PEX16: variants seen among roughly 807,000 people sequenced by gnomAD.
PEX16 encodes peroxisomal biogenesis factor 16, also known as peroxin 16.
In PEX16, 37 loss-of-function variants were observed where a neutral mutation model predicts 50.5. That is an observed-to-expected ratio of 0.73 (90% CI 0.56 to 0.96). The LOEUF (loss-of-function observed/expected upper bound fraction) is 0.96. PEX16 is among the 40% of genes least tolerant of loss of function. PEX16 has a pLI of 0.00. For missense variants in PEX16, 401 were observed against 438.3 expected (o/e 0.91, Z 0.76); for synonymous variants, 185 against 190.3 (o/e 0.97, Z 0.23).
chr11:45,911,229 G>A (rs1331724766), intron 9 of PEX16, among the ~76,000 whole-genome samples: 3 of 152,104 alleles, frequency 2.0e-5, no homozygotes, highest in Non-Finnish European at 4.4e-5. Flanking sequence ...CCCTTCCACC[G>A]ACATCCAACA....
chr11:45,918,005 G>A (rs547633051), upstream of PEX16: 21 of 650,074 alleles, frequency 3.2e-5, no homozygotes, highest in Non-Finnish European at 4.8e-5. Flanking sequence ...TTCCCACTCG[G>A]GTAGCCCTTA....
chr11:45,910,888 C>T lies in PEX16; in HGVS notation c.952+10G>A, dbSNP rs989867106. 1.9e-6 allele frequency: 3 copies of T among 1,612,886 alleles called. No individual in the cohort carries two copies. Among genetic ancestry groups the T allele is most frequent in the Admixed American group, 1.7e-5 (1 of 60,024 alleles). On this transcript the variant is annotated intron_variant, in intron 10 of 10. Transcript: ENST00000378750. Reference sequence around the variant, plus strand: ...AGCACTACAGTCATCGCGTCCCCATCCCTGCTTACTTGTGACCAGGCCAAC... The same window carrying T: ...AGCACTACAGTCATCGCGTCCCCATTCCTGCTTACTTGTGACCAGGCCAAC...
At chr11:45,917,659 G>A (rs1428373998) in intron 1 of PEX16, 41 bp downstream of exon 1, 2 of 1,510,450 alleles carry the variant, frequency 1.3e-6, no homozygotes, top group Non-Finnish European at 1.8e-6. Context: ...GGGGTCATAG[G>A]TCAGGGCCCA....
At chr11:45,917,906 C>T (rs1590798315), upstream of PEX16, 3 of 918,896 alleles carry the variant, frequency 3.3e-6, no homozygotes, top group Non-Finnish European at 5.1e-6. Context: ...GGTCTTAGGC[C>T]CGCCTCTTGG....
At chr11:45,918,020 C>A, upstream of PEX16, 1 of 630,724 alleles carries the variant, frequency 1.6e-6, no homozygotes, top group South Asian at 1.7e-5. Context: ...CCCTTAGCAA[C>A]TGAGGGCCCA....
intron 2 of PEX16, among the ~76,000 whole-genome samples, chr11:45,916,509 T>A (rs1017289518): frequency 5.9e-5 from 9 of 152,176 alleles, no homozygotes; most frequent in Non-Finnish European, 8.8e-5. Context: ...CAAGAAAGGA[T>A]GGGTCAATCT....
chr11:45,912,221 A>G (rs2086786378), intron 9 of PEX16, among the ~76,000 whole-genome samples: 1 of 151,580 alleles, frequency 6.6e-6, no homozygotes. Flanking sequence ...GGGTCAGGCC[A>G]GGCGCGGTGG....
intron 3 of PEX16, 48 bp downstream of exon 3, chr11:45,916,179 A>T: frequency 7.2e-7 from 1 of 1,382,842 alleles, no homozygotes; most frequent in Non-Finnish European, 1.0e-6. Context: ...CTACTATTTC[A>T]TTCCTGAGTC....
At chr11:45,912,195 G>C (rs72902480) in intron 9 of PEX16, among the ~76,000 whole-genome samples, 25,040 of 151,526 alleles carry the variant, frequency 0.17, 2,422 homozygotes, top group South Asian at 0.21. Flanking sequence ...TCTTTTTTCT[G>C]TTTTAAAAAA....
At position 45,917,862 on chromosome 11, in the gene PEX16, G is replaced by T; in HGVS notation, c.-51C>A. ...CAGAAGGACCGTACGACAGGCTGCGGCGCCCTGCTTCCTGCGCCCTCCTTC... is the reference window on the plus strand; with the variant it reads ...CAGAAGGACCGTACGACAGGCTGCGTCGCCCTGCTTCCTGCGCCCTCCTTC... On this transcript the variant is annotated 5_prime_UTR_variant, in exon 1 of 11. Coordinates refer to ENST00000378750, the MANE Select transcript of PEX16 (RefSeq NM_004813.4). 1 of 1,329,658 alleles carries T rather than the reference G, an allele frequency of 7.5e-7. No individual in the cohort carries two copies. The highest frequency in any genetic ancestry group is 1.0e-6 in the Non-Finnish European group (1 of 959,434). The allele number at this position is 1,329,658 out of a possible 1,614,324, so 82.4% of individuals were successfully genotyped here.
rs749785179 is a variant in PEX16, at chr11:45,910,928, C to G, written c.922G>C (p.Asp308His). The G allele has an allele frequency of 2.0e-5, 32 of 1,613,426 alleles. No homozygotes were observed. Among genetic ancestry groups the G allele is most frequent in the Non-Finnish European group, 2.6e-5 (31 of 1,180,004 alleles). Residue 308 changes from aspartate to histidine, a missense_variant, in exon 10 of 11, where the codon GAC becomes CAC. Asp to His is a moderately conservative substitution (Grantham distance 81). Transcript: ENST00000378750. ...ACCAGGCCAACGCCAGGGACGTGGT[C>G]GGCCAGCAACTGGAGCAGGAAGAGG... ...RILFLLQLLA[D>H]HVPGVGLVTR... is the part of the protein sequence containing the mutation.
rs562771676 is a variant in PEX16 at position 45,917,855 on chromosome 11, G to A, written c.-44C>T. The A allele has an allele frequency of 9.4e-6, 13 of 1,386,424 alleles. No homozygotes were observed. Among genetic ancestry groups the A allele is most frequent in the Middle Eastern group, 2.2e-4 (1 of 4,560 alleles). 85.9% of individuals were successfully genotyped at this position (1,386,424 alleles called of 1,614,324 possible). Reference sequence around the variant, plus strand: ...AGACCCACAGAAGGACCGTACGACAGGCTGCGGCGCCCTGCTTCCTGCGCC... The same window carrying A: ...AGACCCACAGAAGGACCGTACGACAAGCTGCGGCGCCCTGCTTCCTGCGCC... On this transcript the variant is annotated 5_prime_UTR_variant, in exon 1 of 11. Transcript: ENST00000378750.
chr11:45,917,186 T>C (rs900619138), intron 2 of PEX16: 5 of 693,318 alleles, frequency 7.2e-6, no homozygotes, highest in Non-Finnish European at 7.9e-6. Flanking sequence ...AATATGACTG[T>C]AGGGAGGATT....
intron 10 of PEX16, 105 bp downstream of exon 10, chr11:45,910,793 T>C (rs1370508633): frequency 3.5e-6 from 4 of 1,128,520 alleles, no homozygotes; most frequent in Non-Finnish European, 5.4e-6. Flanking sequence ...CTTCCTCTCC[T>C]GACTGTGCCA....
chr11:45,910,221 A>G lies in PEX16; in HGVS notation c.*33T>C. 1 of 1,610,560 alleles carries G rather than the reference A, an allele frequency of 6.2e-7. No homozygotes were observed. Among genetic ancestry groups the G allele is most frequent in the East Asian group, 2.2e-5 (1 of 44,820 alleles). ...TTAGGGAAGAGGGGCTCCCTGCCCC[A>G]CCCCTCCCCACACCCTCCTTCCGGG... On this transcript the variant is annotated 3_prime_UTR_variant, in exon 11 of 11. Transcript: ENST00000378750.
rs2086854813 is a variant in PEX16 at position 45,917,778 on chromosome 11, G to T, written c.34C>A (p.Gln12Lys). The T allele has an allele frequency of 2.6e-6, 4 of 1,548,996 alleles. No homozygotes were observed. Among genetic ancestry groups the T allele is most frequent in the Non-Finnish European group, 3.5e-6 (4 of 1,148,450 alleles). The change falls in exon 1 of 11, where the codon CAG becomes AAG. Residue 12 changes from glutamine to lysine, a missense_variant. Coordinates refer to ENST00000378750, the MANE Select transcript of PEX16 (RefSeq NM_004813.4). ...GCCGGGTGACGAGTCACGTACTCCT[G>T]GTAGCGGAGGCCCAGGAGCCGCAGC... ...EKLRLLGLRYQEYVTRHPAAT... is the reference protein window; with the variant it reads ...EKLRLLGLRYKEYVTRHPAAT...
Position 45,914,711 on chromosome 11 carries a change from C to T in PEX16, c.461-27G>A, listed in dbSNP as rs757580853. 3.2e-5 allele frequency: 51 copies of T among 1,587,482 alleles called. No homozygotes were observed. The Admixed American group carries it at 7.2e-4, about 22-fold the overall frequency. ...TAGCAGGGATAGACAGAAGGCCATA[C>T]AGTCAGAGGGACATGCTTCCAGCGG... On this transcript the variant is annotated intron_variant, in intron 5 of 10. Transcript: ENST00000378750.
At chr11:45,911,027 G>C (rs1434703736) in intron 9 of PEX16, 65 bp from the exon 10 acceptor site, 1 of 1,098,996 alleles carries the variant, frequency 9.1e-7, no homozygotes, top group Non-Finnish European at 1.4e-6. Flanking sequence ...CAAACCAGGA[G>C]GCCCAGAGGC....
Position 45,910,288 on chromosome 11 carries a change from G to A in PEX16, c.977C>T (p.Thr326Ile). The A allele has an allele frequency of 6.2e-7, 1 of 1,613,784 alleles. No homozygotes were observed. Among genetic ancestry groups the A allele is most frequent in the Non-Finnish European group, 8.5e-7 (1 of 1,179,876 alleles). The change falls in exon 11 of 11, where the codon ACC becomes ATC. Residue 326 changes from threonine to isoleucine, a missense_variant. By Grantham distance (89) the Thr-to-Ile change is moderately conservative. Transcript: ENST00000378750. Reference protein sequence around the residue: ...VTRPLMDYLPTWQKIYFYSWG With the variant: ...VTRPLMDYLPIWQKIYFYSWG ...ACTGTAGAAGTAGATTTTCTGCCAG[G>A]TGGGCAAGTAATCCATGAGCGGCCC...
Sources: gnomAD v4.1 joint callset for allele counts (sites outside exome capture counted in the v4.1 genomes callset) on GRCh38, gnomAD v4.1.1 for gene constraint, MANE v1.5 for transcripts, NCBI Gene and HGNC (gene_info 2026-07-23, HGNC 2026-07-21) for gene names.